The following CCDC178 variants were observed in gnomAD, a reference collection of about 807,000 sequenced individuals.
CCDC178 encodes the protein coiled-coil domain-containing protein 178.
A neutral mutation model predicts 117.4 loss-of-function variants in CCDC178; 126 were observed. The ratio of observed to expected loss-of-function variants is 1.07; its 90% CI spans 0.93 to 1.24. The LOEUF is 1.24. Ranked by LOEUF, CCDC178 falls within the 50% of genes most tolerant of loss-of-function variation. The pLI, the probability that CCDC178 is intolerant of heterozygous loss-of-function variation, is 0.00. For missense variants in CCDC178, 1,030 were observed against 986.9 expected (o/e 1.04, Z -0.59); for synonymous variants, 283 against 313.4 (o/e 0.90, Z 1.02).
At chr18:33,407,055 T>C (rs2063791190) in intron 3 of CCDC178, among the ~76,000 whole-genome samples, 1 of 152,220 alleles carries the variant, frequency 6.6e-6, no homozygotes, top group Admixed American at 6.5e-5. Context: ...GGCAGTCTTC[T>C]GAATGAGTCG....
At position 33,157,814 on chromosome 18, in the gene CCDC178, T is replaced by C. The variant is rs2058418996; in HGVS notation, c.2238+54082A>G. Among the ~76,000 whole-genome samples, 3 of 152,270 alleles carry C rather than the reference T, an allele frequency of 2.0e-5. No homozygotes were observed. In the East Asian group the frequency reaches 5.8e-4, roughly 29 times the overall value. Reference sequence around the variant, plus strand: ...TCTATATTATCTGTCACTTTTTTATTGTTAGAGCAGGGGCCGCTTTCTGCT... The same window carrying C: ...TCTATATTATCTGTCACTTTTTTATCGTTAGAGCAGGGGCCGCTTTCTGCT... On this transcript the variant is annotated intron_variant, in intron 20 of 22. Coordinates refer to ENST00000383096, the MANE Select transcript of CCDC178 (RefSeq NM_001105528.4).
intron 20 of CCDC178, among the ~76,000 whole-genome samples, chr18:33,146,330 T>C (rs1400555852): frequency 1.3e-5 from 2 of 152,146 alleles, no homozygotes; most frequent in Non-Finnish European, 2.9e-5. Flanking sequence ...AAAAAGCCTT[T>C]GAGAGACAAA....
At chr18:33,124,025 C>T (rs1296511173) in intron 20 of CCDC178, among the ~76,000 whole-genome samples, 1 of 152,114 alleles carries the variant, frequency 6.6e-6, no homozygotes, top group African/African-American at 2.4e-5. Flanking sequence ...GCAGAAAGAG[C>T]GGCTGTAAAC....
chr18:33,050,149 T>G (rs974889369), intron 21 of CCDC178, among the ~76,000 whole-genome samples: 7 of 152,148 alleles, frequency 4.6e-5, no homozygotes, highest in Admixed American at 2.6e-4. Flanking sequence ...TTTGTTTAAT[T>G]TGTACTTTAT....
intron 9 of CCDC178, among the ~76,000 whole-genome samples, chr18:33,341,992 T>C (rs1310514211): frequency 1.3e-5 from 2 of 150,282 alleles, no homozygotes; most frequent in East Asian, 1.9e-4. Flanking sequence ...AAACTCTAAC[T>C]TGAAACTTAA....
intron 12 of CCDC178, among the ~76,000 whole-genome samples, chr18:33,277,719 G>A (rs1307360110): frequency 6.6e-6 from 1 of 152,072 alleles, no homozygotes; most frequent in Non-Finnish European, 1.5e-5. Context: ...GACTGGCTGA[G>A]CACTTCTCAT....
At chr18:33,126,012 CAGG>C (rs1189589939) in intron 20 of CCDC178, among the ~76,000 whole-genome samples, 1 of 152,126 alleles carries the variant, frequency 6.6e-6, no homozygotes, top group Non-Finnish European at 1.5e-5. Context: ...AAGGTCCAGG[CAGG>C]AGATTTTTAG....
chr18:33,258,420 C>T (rs1030254238), intron 14 of CCDC178, among the ~76,000 whole-genome samples: 2 of 152,078 alleles, frequency 1.3e-5, no homozygotes, highest in African/African-American at 2.4e-5. Flanking sequence ...GTCTTCATTC[C>T]GGTCTCAATT....
chr18:33,068,321 A>T (rs2057053232), intron 21 of CCDC178, among the ~76,000 whole-genome samples: 1 of 152,222 alleles, frequency 6.6e-6, no homozygotes, highest in Non-Finnish European at 1.5e-5. Flanking sequence ...TCATTCTATG[A>T]GCCCAGCATT....
At chr18:33,294,809 G>A (rs2062086732) in intron 11 of CCDC178, among the ~76,000 whole-genome samples, 1 of 152,144 alleles carries the variant, frequency 6.6e-6, no homozygotes, top group African/African-American at 2.4e-5. Flanking sequence ...AATACACTAT[G>A]GACTTTTGCC....
chr18:32,952,804 C>T (rs1187224991), intron 22 of CCDC178, among the ~76,000 whole-genome samples: 40 of 141,968 alleles, frequency 2.8e-4, no homozygotes, highest in Non-Finnish European at 2.7e-4. Flanking sequence ...GATGGAGTCT[C>T]GCTTTGTTGC....
In CCDC178 at chr18:32,995,165, C is replaced by T. The variant is rs139248662; in HGVS notation, c.2389-20484G>A. Among the ~76,000 whole-genome samples the T allele has an allele frequency of 7.4e-4, 113 of 152,128 alleles. 2 individuals carry two copies. The highest frequency in any genetic ancestry group is 5.8e-4 in the East Asian group (3 of 5,166). On this transcript the variant is annotated intron_variant, in intron 21 of 22. Coordinates refer to ENST00000383096, the MANE Select transcript of CCDC178 (RefSeq NM_001105528.4). ...TATAGTACTGCAACTCAAATAAATG[C>T]GATCGCTTATCAATGGGAGGAGGAA...
chr18:33,029,311 T>A (rs984434271), intron 21 of CCDC178, among the ~76,000 whole-genome samples: 2 of 151,962 alleles, frequency 1.3e-5, no homozygotes, highest in East Asian at 1.9e-4. Context: ...CAAATGTTCA[T>A]ACTCCTCACT....
At chr18:33,396,255 C>T (rs2144845100) in intron 4 of CCDC178, among the ~76,000 whole-genome samples, 1 of 152,078 alleles carries the variant, frequency 6.6e-6, no homozygotes, top group South Asian at 2.1e-4. Context: ...TAAGACATTG[C>T]TACATAGTAT....
At chr18:33,383,452 T>G (rs2063460746) in intron 5 of CCDC178, among the ~76,000 whole-genome samples, 1 of 151,472 alleles carries the variant, frequency 6.6e-6, no homozygotes, top group Non-Finnish European at 1.5e-5. Context: ...GCCAGACACC[T>G]CATACAGGAG....
chr18:33,061,104 G>C (rs2056913636), intron 21 of CCDC178, among the ~76,000 whole-genome samples: 1 of 151,900 alleles, frequency 6.6e-6, no homozygotes, highest in Admixed American at 6.6e-5. Context: ...TTGTTATCAG[G>C]CTTGTTTCAG....
At chr18:33,171,567 T>C (rs999661376) in intron 20 of CCDC178, among the ~76,000 whole-genome samples, 6 of 152,238 alleles carry the variant, frequency 3.9e-5, no homozygotes, top group Non-Finnish European at 7.3e-5. Context: ...AATCGCAGTT[T>C]TGACCAAAGA....
chr18:33,104,310 T>C (rs941378022), intron 20 of CCDC178, among the ~76,000 whole-genome samples: 1 of 151,734 alleles, frequency 6.6e-6, no homozygotes, highest in Non-Finnish European at 1.5e-5. Context: ...CCATGAGATT[T>C]CTTCTACCAA....
intron 22 of CCDC178, among the ~76,000 whole-genome samples, chr18:32,968,473 G>A (rs375564128): frequency 2.2e-4 from 34 of 151,966 alleles, no homozygotes; most frequent in Non-Finnish European, 4.3e-4. Context: ...ATGGGAATGC[G>A]GATATGTCTT....
Sources: gnomAD v4.1 joint callset for allele counts (sites outside exome capture counted in the v4.1 genomes callset) on GRCh38, gnomAD v4.1.1 for gene constraint, MANE v1.5 for transcripts, NCBI Gene and HGNC (gene_info 2026-07-23, HGNC 2026-07-21) for gene names.